CSNK1D: variants seen among roughly 807,000 people sequenced by gnomAD.
CSNK1D encodes casein kinase 1 delta.
Under a neutral mutation model 46.6 loss-of-function variants are expected in CSNK1D, and 16 were observed. The observed-to-expected ratio is 0.34, with a 90% CI of 0.23 to 0.52. CSNK1D has a LOEUF of 0.52. Among genes scored for constraint, CSNK1D ranks in the 20% least tolerant of loss-of-function variants. CSNK1D has a pLI of 0.95. For synonymous variants in CSNK1D, 276 were observed against 228.2 expected (o/e 1.21, Z -1.89); for missense variants, 398 against 578.4 (o/e 0.69, Z 3.20).
At chr17:82,246,784 G>C (rs1039642748) in intron 8 of CSNK1D, 2 of 988,824 alleles carry the variant, frequency 2.0e-6, no homozygotes, top group African/African-American at 1.7e-5. Context: ...AAGGTCTCCT[G>C]AGAGGAGCAG....
rs2050905295 is a variant in CSNK1D, at chr17:82,248,403, T to G, written c.1197+472A>C. ...GGCCGTCAAAAGAAGGAAAGCCTCGTTGCAGGGCATGCCACCAGGGAGGGT... is the reference window on the plus strand; with the variant it reads ...GGCCGTCAAAAGAAGGAAAGCCTCGGTGCAGGGCATGCCACCAGGGAGGGT... On this transcript the variant is annotated intron_variant, in intron 8 of 8. Transcript: ENST00000314028. The surrounding 1 kb of genome is among the most constrained non-coding windows in gnomAD (Gnocchi z 4.1). 5 of 1,007,618 alleles carry G rather than the reference T, an allele frequency of 5.0e-6. No homozygotes were observed. In the South Asian group the frequency reaches 1.6e-4, roughly 32 times the overall value. 62.4% of individuals were successfully genotyped at this position (1,007,618 alleles called of 1,614,324 possible).
chr17:82,255,659 G>A lies in CSNK1D; in HGVS notation c.188-82C>T, dbSNP rs1394159664. The A allele has an allele frequency of 1.9e-6, 3 of 1,551,016 alleles. No homozygotes were observed. Among genetic ancestry groups the A allele is most frequent in the African/African-American group, 2.7e-5 (2 of 73,598 alleles). On this transcript the variant is annotated intron_variant, in intron 2 of 8. Coordinates refer to ENST00000314028, the MANE Select transcript of CSNK1D (RefSeq NM_001893.6). This position sits in a 1 kb window ranked among gnomAD's most constrained non-coding sequence, Gnocchi z 5.9. The stretch of plus-strand genomic sequence containing the variant: ...TAAGTCTGCACTGTGCACACCAAGG[G>A]GTCATGGTGACAATCCTGAACGGGG...
At chr17:82,271,232 C>G (rs947909350) in intron 1 of CSNK1D, among the ~76,000 whole-genome samples, 1 of 152,152 alleles carries the variant, frequency 6.6e-6, no homozygotes, top group Non-Finnish European at 1.5e-5. Context: ...GCCACCACCA[C>G]GCCTGGCCAA....
rs2051157248 is a variant in CSNK1D, at chr17:82,255,633, C to T, written c.188-56G>A. 2 of 1,606,348 alleles carry T rather than the reference C, an allele frequency of 1.2e-6. No individual in the cohort carries two copies. Among genetic ancestry groups the T allele is most frequent in the East Asian group, 4.5e-5 (2 of 44,846 alleles). ...GTCCAGGCCCTGCCTCAGCTCCACA[C>T]TAAGTCTGCACTGTGCACACCAAGG... On this transcript the variant is annotated intron_variant, in intron 2 of 8. Coordinates refer to ENST00000314028, the MANE Select transcript of CSNK1D (RefSeq NM_001893.6). This position sits in a 1 kb window ranked among gnomAD's most constrained non-coding sequence, Gnocchi z 5.9.
chr17:82,245,891 C>T (rs1408523069), intron 8 of CSNK1D: 53 of 1,391,216 alleles, frequency 3.8e-5, no homozygotes, highest in Non-Finnish European at 5.2e-5. Flanking sequence ...GCAAGCCCAG[C>T]CCACCTGCAA....
In CSNK1D at chr17:82,249,234, A is replaced by G. The variant is rs2050933112; in HGVS notation, c.1057+197T>C. The G allele has an allele frequency of 1.3e-6, 1 of 759,886 alleles. No individual in the cohort carries two copies. The highest frequency in any genetic ancestry group is 2.7e-5 in the East Asian group (1 of 37,146). The allele number at this position is 759,886 out of a possible 1,614,324, so 47.1% of individuals were successfully genotyped here. ...ACAGGGGAGGAACGTGAGATGCGGG[A>G]GGAATCACGCACACCAGCAGGTGCC... On this transcript the variant is annotated intron_variant, in intron 7 of 8. Transcript: ENST00000314028. This position sits in a 1 kb window ranked among gnomAD's most constrained non-coding sequence, Gnocchi z 6.7.
At chr17:82,261,206 T>C (rs1288816091) in intron 2 of CSNK1D, 3 of 154,738 alleles carry the variant, frequency 1.9e-5, no homozygotes, top group Non-Finnish European at 2.9e-5. Flanking sequence ...GACTTACTGC[T>C]ACTGGTGATT....
chr17:82,269,096 T>TTA (rs1173142543), intron 1 of CSNK1D, among the ~76,000 whole-genome samples: 17 of 105,390 alleles, frequency 1.6e-4, no homozygotes, highest in African/African-American at 6.2e-4. Flanking sequence ...TACTTTGTCT[T>TTA]AAAAAAAAAA....
At chr17:82,259,071 G>A (rs1358550155) in intron 2 of CSNK1D, among the ~76,000 whole-genome samples, 1 of 152,212 alleles carries the variant, frequency 6.6e-6, no homozygotes, top group Non-Finnish European at 1.5e-5. Context: ...AACTTTGGGA[G>A]ACCTGACACC....
At chr17:82,247,466 C>A (rs2147156449) in intron 8 of CSNK1D, 1 of 985,510 alleles carries the variant, frequency 1.0e-6, no homozygotes, top group East Asian at 1.1e-4. Context: ...GCACTCAGGC[C>A]CCTTCCCTAG....
Position 82,273,492 on chromosome 17 carries a change from C to T in CSNK1D, c.-111G>A, listed in dbSNP as rs1057341146. ...GCGGGTCCGGCTCCCGGCTCCGCCCCCCTCACGGCCCCGCTTTCACCATCG... is the reference window on the plus strand; with the variant it reads ...GCGGGTCCGGCTCCCGGCTCCGCCCTCCTCACGGCCCCGCTTTCACCATCG... On this transcript the variant is annotated 5_prime_UTR_variant, in exon 1 of 9. Coordinates refer to ENST00000314028, the MANE Select transcript of CSNK1D (RefSeq NM_001893.6). The surrounding 1 kb of genome is among the most constrained non-coding windows in gnomAD (Gnocchi z 5.1). The T allele has an allele frequency of 7.8e-7, 1 of 1,281,304 alleles. No homozygotes were observed. The allele number at this position is 1,281,304 out of a possible 1,614,324, so 79.4% of individuals were successfully genotyped here.
chr17:82,254,108 G>T (rs1465306715), intron 3 of CSNK1D: 1 of 213,370 alleles, frequency 4.7e-6, no homozygotes, highest in African/African-American at 3.5e-5. Flanking sequence ...GCCTCGAGAC[G>T]CCAGTGAGCT....
intron 2 of CSNK1D, among the ~76,000 whole-genome samples, chr17:82,264,432 G>A (rs961745291): frequency 2.6e-5 from 4 of 152,192 alleles, no homozygotes; most frequent in African/African-American, 4.8e-5. Flanking sequence ...CAGGGAACTC[G>A]CAAGAGCTGG....
rs1305125115 is a variant in CSNK1D, at chr17:82,249,523, G to A, written c.965C>T (p.Ala322Val). The change falls in exon 7 of 9, where the codon GCT (alanine) becomes GTT (valine). Residue 322 changes from alanine to valine, a missense_variant. Transcript: ENST00000314028. The surrounding 1 kb of genome is among the most constrained non-coding windows in gnomAD (Gnocchi z 6.7). ...EERLRHSRNP[A>V]TRGLPSTASG... is the part of the protein sequence containing the mutation. ...GGCTGTGGAAGGGAGGCCGCGGGTA[G>A]CCGGGTTCCGCGAGTGTCTCAGCCG... 14 of 1,544,836 alleles carry A rather than the reference G, an allele frequency of 9.1e-6. No homozygotes were observed. The highest frequency in any genetic ancestry group is 1.1e-5 in the Non-Finnish European group (13 of 1,147,154).
At chr17:82,239,107 G>T (rs958911153), downstream of CSNK1D, 18 of 873,786 alleles carry the variant, frequency 2.1e-5, no homozygotes. Context: ...GCGGATCGTC[G>T]CCCGATCAGT....
At chr17:82,270,856 G>A (rs183329617) in intron 1 of CSNK1D, among the ~76,000 whole-genome samples, 190 of 152,140 alleles carry the variant, frequency 1.2e-3, no homozygotes, top group African/African-American at 4.3e-3. Context: ...CAGGGTGTCA[G>A]AGCCACAGCC....
In CSNK1D at chr17:82,244,929, C is replaced by T. The variant is rs1225364833; in HGVS notation, c.1198-98G>A. On this transcript the variant is annotated intron_variant, in intron 8 of 8. Coordinates refer to ENST00000314028, the MANE Select transcript of CSNK1D (RefSeq NM_001893.6). ...GGTGCTGGGCAGGGAGGGGACGCAC[C>T]GCCACCGCCTAGCCCCAGTCTAGAC... 14 of 1,513,548 alleles carry T rather than the reference C, an allele frequency of 9.2e-6. No individual in the cohort carries two copies. In the East Asian group the frequency reaches 1.1e-4, roughly 12 times the overall value. 93.8% of individuals were successfully genotyped at this position (1,513,548 alleles called of 1,614,324 possible).
intron 8 of CSNK1D, chr17:82,246,639 CG>C: frequency 1.0e-6 from 1 of 1,003,894 alleles, no homozygotes; most frequent in Non-Finnish European, 1.2e-6. Context: ...CGGGCTGGGG[CG>C]GGGCCCTACA....
At chr17:82,272,213 G>C (rs1003844369) in intron 1 of CSNK1D, 1 of 152,426 alleles carries the variant, frequency 6.6e-6, no homozygotes, top group Non-Finnish European at 1.5e-5. Context: ...GCGTGGTGGC[G>C]CACGCCTGTG....
Sources: allele counts gnomAD v4.1 joint callset (sites outside exome capture counted in the v4.1 genomes callset), GRCh38; gene constraint gnomAD v4.1.1; non-coding constraint Gnocchi (gnomAD v3.1); transcripts MANE v1.5; gene names NCBI Gene and HGNC (gene_info 2026-07-23, HGNC 2026-07-21).